The following HIBADH variants were observed in gnomAD, a reference collection of about 807,000 sequenced individuals.
The protein encoded by HIBADH is 3-hydroxyisobutyrate dehydrogenase.
A neutral mutation model predicts 36.1 loss-of-function variants in HIBADH; 25 were observed. The observed-to-expected ratio is 0.69, with a 90% CI of 0.50 to 0.97. HIBADH has a LOEUF of 0.97. Ranked by LOEUF, HIBADH falls within the 50% of genes least tolerant of loss-of-function variation. HIBADH has a pLI of 0.00. For synonymous variants in HIBADH, 160 were observed against 149.5 expected (o/e 1.07, Z -0.51); for missense variants, 421 against 418.0 (o/e 1.01, Z -0.06).
rs750823926 is a variant in HIBADH at position 27,526,250 on chromosome 7, G to A, written c.975C>T (p.Ser325=). ...CCTCCTCTCGTAGGAACTGGAACAC[G>A]GATGAGAAGTCTTTCTTTGAGTAGC... is the stretch of plus-strand genomic sequence containing the variant. ...AKGYSKKDFS[S]VFQFLREEET... is the part of the protein sequence containing the mutation. Residue 325 remains serine, a synonymous_variant, in exon 8 of 8, where the codon TCC becomes TCT. Transcript: ENST00000265395. 2.5e-5 allele frequency: 40 copies of A among 1,612,068 alleles called. No individual in the cohort carries two copies. Among genetic ancestry groups the A allele is most frequent in the South Asian group, 5.5e-5 (5 of 90,716 alleles).
chr7:27,571,339 C>G (rs1014016259), intron 4 of HIBADH, among the ~76,000 whole-genome samples: 2 of 152,128 alleles, frequency 1.3e-5, no homozygotes, highest in African/African-American at 4.8e-5. Context: ...TCTCCTGCCT[C>G]AGACTCCCGA....
At chr7:27,539,379 CA>C (rs1247585644) in intron 5 of HIBADH, among the ~76,000 whole-genome samples, 1 of 151,530 alleles carries the variant, frequency 6.6e-6, no homozygotes, top group Non-Finnish European at 1.5e-5. Context: ...AGTATGGAGA[CA>C]ATAAATATAT....
chr7:27,658,723 A>AT (rs1364568235), intron 1 of HIBADH, among the ~76,000 whole-genome samples: 3 of 152,128 alleles, frequency 2.0e-5, no homozygotes, highest in African/African-American at 7.2e-5. Flanking sequence ...TTTTGACTGC[A>AT]TTTTTCATTA....
intron 4 of HIBADH, among the ~76,000 whole-genome samples, chr7:27,601,632 GA>G (rs1228742759): frequency 6.6e-6 from 1 of 152,050 alleles, no homozygotes; most frequent in Non-Finnish European, 1.5e-5. Context: ...AGGTAAAGGG[GA>G]AAATACGTAA....
At chr7:27,632,595 A>C in intron 2 of HIBADH, 150 bp from the exon 3 acceptor site, 1 of 573,888 alleles carries the variant, frequency 1.7e-6, no homozygotes, top group South Asian at 2.2e-5. Context: ...AAAAAAAAAA[A>C]AAAGCTTACT....
At chr7:27,572,016 A>C (rs2128188199) in intron 4 of HIBADH, among the ~76,000 whole-genome samples, 1 of 152,296 alleles carries the variant, frequency 6.6e-6, no homozygotes, top group African/African-American at 2.4e-5. Context: ...TTCTCCCAGA[A>C]GTTATGGCCT....
chr7:27,598,945 G>C (rs1422741041), intron 4 of HIBADH, among the ~76,000 whole-genome samples: 1 of 151,192 alleles, frequency 6.6e-6, no homozygotes, highest in Non-Finnish European at 1.5e-5. Flanking sequence ...TTTATGTACT[G>C]AGTGAGCACT....
At position 27,596,906 on chromosome 7, in the gene HIBADH, A is replaced by G. The variant is rs150561156; in HGVS notation, c.484+32465T>C. The stretch of plus-strand genomic sequence containing the variant: ...CAGATTTCATATGCTCAAGCTGTAT[A>G]TATGAAAAGATATATGAAATTTTAA... On this transcript the variant is annotated intron_variant, in intron 4 of 7. Transcript: ENST00000265395. Among the ~76,000 whole-genome samples, 632 of 152,292 alleles carry G rather than the reference A, an allele frequency of 4.1e-3. 4 individuals are homozygous for G. Among genetic ancestry groups the G allele is most frequent in the Middle Eastern group, 0.02 (6 of 294 alleles).
chr7:27,585,370 GC>G (rs1360128279), intron 4 of HIBADH, among the ~76,000 whole-genome samples: 4 of 152,024 alleles, frequency 2.6e-5, no homozygotes, highest in African/African-American at 7.2e-5. Context: ...CATCACCAAA[GC>G]AGTCTATGAG....
chr7:27,658,682 T>TA (rs543039269), intron 1 of HIBADH, among the ~76,000 whole-genome samples: 8 of 151,976 alleles, frequency 5.3e-5, no homozygotes, highest in South Asian at 4.1e-4. Flanking sequence ...TACACAAAAA[T>TA]AAAAAAAACA....
intron 4 of HIBADH, among the ~76,000 whole-genome samples, chr7:27,551,215 G>A (rs1224178296): frequency 6.6e-6 from 1 of 152,122 alleles, no homozygotes. Context: ...CATAAGCTAA[G>A]TGTACATGTA....
intron 4 of HIBADH, among the ~76,000 whole-genome samples, chr7:27,598,876 A>AT (rs1785074973): frequency 6.6e-6 from 1 of 152,100 alleles, no homozygotes; most frequent in South Asian, 2.1e-4. Context: ...CTCTTAGAAG[A>AT]TTAGGAACCT....
chr7:27,572,601 T>C (rs1197122086), intron 4 of HIBADH, among the ~76,000 whole-genome samples: 3 of 152,206 alleles, frequency 2.0e-5, no homozygotes, highest in Non-Finnish European at 4.4e-5. Context: ...CAGTCAATCA[T>C]GTTAATGAAG....
chr7:27,557,559 C>T (rs996424502), intron 4 of HIBADH, among the ~76,000 whole-genome samples: 17 of 152,146 alleles, frequency 1.1e-4, no homozygotes, highest in African/African-American at 4.1e-4. Context: ...GATCAAGGCA[C>T]CAACAGGTTC....
intron 4 of HIBADH, among the ~76,000 whole-genome samples, chr7:27,605,280 T>G (rs1165297757): frequency 6.6e-6 from 1 of 151,934 alleles, no homozygotes; most frequent in Non-Finnish European, 1.5e-5. Context: ...CTATAAAGAC[T>G]CCCTGAAAAA....
At chr7:27,566,157 A>T (rs1784545130) in intron 4 of HIBADH, among the ~76,000 whole-genome samples, 2 of 152,120 alleles carry the variant, frequency 1.3e-5, no homozygotes, top group Non-Finnish European at 2.9e-5. Context: ...GTATCAGTGT[A>T]ACACTGGTCT....
chr7:27,526,399 G>A (rs550573017), intron 7 of HIBADH, 27 bp from the exon 8 acceptor site: 9 of 1,585,710 alleles, frequency 5.7e-6, no homozygotes, highest in East Asian at 2.3e-5. Flanking sequence ...GAGAGAACAC[G>A]CTGAGACTGG....
At chr7:27,566,150 T>C (rs1784544878) in intron 4 of HIBADH, among the ~76,000 whole-genome samples, 3 of 152,086 alleles carry the variant, frequency 2.0e-5, no homozygotes, top group Admixed American at 1.3e-4. Flanking sequence ...GGTTTTAGTA[T>C]CAGTGTAACA....
In HIBADH at chr7:27,572,824, T is replaced by G. The variant is rs569065234; in HGVS notation, c.485-29724A>C. Among the ~76,000 whole-genome samples the G allele has an allele frequency of 9.9e-5, 15 of 152,252 alleles. No individual in the cohort carries two copies. The East Asian group carries it at 2.5e-3, about 26-fold the overall frequency. ...TGCAATTCTTGCTCAAATTAAGAAT[T>G]TGATTTGGTGAGCCAGACTATTACT... On this transcript the variant is annotated intron_variant, in intron 4 of 7. Coordinates refer to ENST00000265395, the MANE Select transcript of HIBADH (RefSeq NM_152740.4).
Sources: allele counts gnomAD v4.1 joint callset (sites outside exome capture counted in the v4.1 genomes callset), GRCh38; gene constraint gnomAD v4.1.1; transcripts MANE v1.5; gene names NCBI Gene and HGNC (gene_info 2026-07-23, HGNC 2026-07-21).